DDX10: variants seen among roughly 807,000 people sequenced by gnomAD.
DDX10 encodes the protein DEAD-box helicase 10, also known as probable ATP-dependent RNA helicase DDX10.
A neutral mutation model predicts 104.3 loss-of-function variants in DDX10; 74 were observed. The ratio of observed to expected loss-of-function variants is 0.71; its 90% CI spans 0.59 to 0.86. The LOEUF (loss-of-function observed/expected upper bound fraction) is 0.86. DDX10 is among the 40% of genes least tolerant of loss of function. The probability of loss-of-function intolerance (pLI) is 0.00; values close to 1 mark genes in which losing one functional copy is unlikely to be tolerated. For missense variants in DDX10, 952 were observed against 1,040.0 expected, an observed-to-expected ratio of 0.92 and a Z score of 1.16; for synonymous variants, 351 against 353.4, an observed-to-expected ratio of 0.99 and a Z score of 0.08.
intron 13 of DDX10, among the ~76,000 whole-genome samples, chr11:108,752,542 C>A (rs371506718): frequency 6.6e-6 from 1 of 152,032 alleles, no homozygotes; most frequent in East Asian, 1.9e-4. Flanking sequence ...TATTATGGAT[C>A]CATCTTTGTG....
At chr11:108,680,155 G>A (rs909717080) in intron 6 of DDX10, among the ~76,000 whole-genome samples, 3 of 152,170 alleles carry the variant, frequency 2.0e-5, no homozygotes, top group Non-Finnish European at 4.4e-5. Context: ...AGAGCTTAAA[G>A]TATATGTGTT....
intron 13 of DDX10, among the ~76,000 whole-genome samples, chr11:108,724,019 A>T (rs1421606039): frequency 3.3e-5 from 5 of 152,240 alleles, no homozygotes; most frequent in Admixed American, 3.3e-4. Context: ...GAACAAAAGA[A>T]ATAATCCATT....
chr11:108,862,220 C>T (rs1862950915), intron 16 of DDX10, among the ~76,000 whole-genome samples: 2 of 152,076 alleles, frequency 1.3e-5, no homozygotes, highest in African/African-American at 4.8e-5. Context: ...AACAGGATCT[C>T]TCTATGTTGA....
At chr11:108,834,252 G>T (rs1359369006) in intron 13 of DDX10, among the ~76,000 whole-genome samples, 1 of 104,866 alleles carries the variant, frequency 9.5e-6, no homozygotes, top group Non-Finnish European at 2.4e-5. Flanking sequence ...CAGGCATGAG[G>T]CACCTACCTA....
chr11:108,750,265 T>A (rs2094336682), intron 13 of DDX10, among the ~76,000 whole-genome samples: 1 of 151,958 alleles, frequency 6.6e-6, no homozygotes, highest in Non-Finnish European at 1.5e-5. Context: ...CAGTTAGTGA[T>A]GCTATAGTAC....
chr11:108,805,094 G>A (rs1471028931), intron 13 of DDX10, among the ~76,000 whole-genome samples: 1 of 152,176 alleles, frequency 6.6e-6, no homozygotes, highest in Non-Finnish European at 1.5e-5. Context: ...CAGGCAAGAT[G>A]GAAATAAATG....
At chr11:108,757,033 A>AGTCT (rs2094345231) in intron 13 of DDX10, among the ~76,000 whole-genome samples, 4 of 152,082 alleles carry the variant, frequency 2.6e-5, no homozygotes, top group African/African-American at 7.2e-5. Context: ...AGATGATTGT[A>AGTCT]GTCTGAGTCT....
intron 13 of DDX10, among the ~76,000 whole-genome samples, chr11:108,793,097 A>G (rs1861892277): frequency 6.6e-6 from 1 of 152,188 alleles, no homozygotes; most frequent in Non-Finnish European, 1.5e-5. Context: ...GTCGTAGGCA[A>G]AGGCTTCCTA....
At chr11:108,808,696 C>T (rs1359940592) in intron 13 of DDX10, among the ~76,000 whole-genome samples, 3 of 152,080 alleles carry the variant, frequency 2.0e-5, no homozygotes, top group Non-Finnish European at 4.4e-5. Context: ...TACTCATCTA[C>T]CCAGCCAGCC....
intron 16 of DDX10, among the ~76,000 whole-genome samples, chr11:108,866,098 A>G (rs1219119653): frequency 1.3e-5 from 2 of 152,144 alleles, no homozygotes; most frequent in Admixed American, 1.3e-4. Context: ...TTTAGTATAG[A>G]AGGTTGCATA....
At chr11:108,878,230 C>A (rs1591107141) in intron 16 of DDX10, among the ~76,000 whole-genome samples, 2 of 152,192 alleles carry the variant, frequency 1.3e-5, no homozygotes, top group South Asian at 4.2e-4. Flanking sequence ...TAGATTGGAC[C>A]AAAATTTTTG....
rs1299694240 is a variant in DDX10, at chr11:108,940,825, G to A, written c.*402G>A. On this transcript the variant is annotated 3_prime_UTR_variant, in exon 18 of 18. Transcript: ENST00000322536. ...TGTTAAAATTGCTCATGATTTCGAC[G>A]TATTTAATATTTTCAAAGAGACTAT... is the stretch of plus-strand genomic sequence containing the variant. The A allele has an allele frequency of 3.1e-5, 7 of 223,096 alleles. No individual in the cohort carries two copies. The highest frequency in any genetic ancestry group is 4.5e-5 in the African/African-American group (2 of 44,588). The allele number at this position is 223,096 out of a possible 1,614,324, so 13.8% of individuals were successfully genotyped here. A position where few individuals can be genotyped will look rare whatever the true frequency, so the allele number is the denominator to read the frequency against.
chr11:108,790,333 C>G (rs550692065), intron 13 of DDX10, among the ~76,000 whole-genome samples: 1 of 152,134 alleles, frequency 6.6e-6, no homozygotes, highest in Non-Finnish European at 1.5e-5. Context: ...CAATGAACTA[C>G]AAAGAGAATA....
chr11:108,812,376 T>C (rs1027465151), intron 13 of DDX10, among the ~76,000 whole-genome samples: 4 of 152,196 alleles, frequency 2.6e-5, no homozygotes, highest in African/African-American at 9.6e-5. Context: ...TTGTTTTCAG[T>C]TGACTTTTTT....
chr11:108,786,635 T>C (rs183157342), intron 13 of DDX10, among the ~76,000 whole-genome samples: 34 of 152,350 alleles, frequency 2.2e-4, no homozygotes, highest in African/African-American at 3.8e-4. Flanking sequence ...CTGATTGTTA[T>C]TGGTTTAAAG....
At chr11:108,875,148 A>G (rs753235791) in intron 16 of DDX10, among the ~76,000 whole-genome samples, 20 of 152,182 alleles carry the variant, frequency 1.3e-4, no homozygotes, top group Middle Eastern at 3.2e-3. Context: ...TAAAGTTTCT[A>G]TGAAGCCTGC....
rs770338562 is a variant in DDX10 at position 108,665,114 on chromosome 11, G to A, written c.-40G>A. 16 of 1,563,576 alleles carry A rather than the reference G, an allele frequency of 1.0e-5. 1 individual carries two copies. The highest frequency in any genetic ancestry group is 1.3e-5 in the Non-Finnish European group (15 of 1,159,228). On this transcript the variant is annotated 5_prime_UTR_variant, in exon 1 of 18. The change creates a new upstream start codon in the 5' untranslated region. Coordinates refer to ENST00000322536, the MANE Select transcript of DDX10 (RefSeq NM_004398.4). ...CCGTGAGTCTGGCCTTAGGTGTCTC[G>A]TGTCTGGGGTTGATCCGAGCTGTCG...
At chr11:108,792,479 A>G (rs1219103372) in intron 13 of DDX10, among the ~76,000 whole-genome samples, 1 of 152,222 alleles carries the variant, frequency 6.6e-6, no homozygotes, top group Admixed American at 6.5e-5. Flanking sequence ...TGTAAAATAG[A>G]TATCAGATTG....
In DDX10 at chr11:108,816,795, C is replaced by A. The variant is rs146775524; in HGVS notation, c.1966-21651C>A. Among the ~76,000 whole-genome samples, 1,425 of 152,264 alleles carry A rather than the reference C, an allele frequency of 9.4e-3. 30 individuals carry two copies. Among genetic ancestry groups the A allele is most frequent in the Middle Eastern group, 0.01 (3 of 294 alleles). ...TCTTGAACTCCTGACCTCAGGTGAT[C>A]CGCTCTCTTTGGCTTCCCAAAGTGC... On this transcript the variant is annotated intron_variant, in intron 13 of 17. Transcript: ENST00000322536.
Sources: gnomAD v4.1 joint callset for allele counts (sites outside exome capture counted in the v4.1 genomes callset) on GRCh38, gnomAD v4.1.1 for gene constraint, MANE v1.5 for transcripts, NCBI Gene and HGNC (gene_info 2026-07-23, HGNC 2026-07-21) for gene names.